TRAF3: variants seen among roughly 807,000 people sequenced by gnomAD.
TRAF3 encodes TNF receptor associated factor 3.
In TRAF3, 13 loss-of-function variants were observed where a neutral mutation model predicts 62.3. The ratio of observed to expected loss-of-function variants is 0.21; its 90% CI spans 0.14 to 0.33. The LOEUF (loss-of-function observed/expected upper bound fraction) is 0.33, where lower values mean the gene tolerates loss of function less well. TRAF3 is among the 10% of genes least tolerant of loss of function. TRAF3 has a pLI of 1.00. For synonymous variants in TRAF3, 269 were observed against 283.4 expected (o/e 0.95, Z 0.51); for missense variants, 440 against 741.8 (o/e 0.59, Z 4.73).
chr14:102,798,224 C>A (rs566648874), intron 1 of TRAF3, among the ~76,000 whole-genome samples: 1 of 151,890 alleles, frequency 6.6e-6, no homozygotes, highest in African/African-American at 2.4e-5. Flanking sequence ...GTTCAGAAAA[C>A]CCTTTTTTTT....
At chr14:102,806,659 T>C (rs75237410) in intron 1 of TRAF3, among the ~76,000 whole-genome samples, 4,206 of 152,104 alleles carry the variant, frequency 0.028, 96 homozygotes, top group Non-Finnish European at 0.037. Flanking sequence ...CTCCCTGTAG[T>C]CATGAGGCCT....
At chr14:102,876,041 T>TA in intron 5 of TRAF3, among the ~76,000 whole-genome samples, 1 of 152,366 alleles carries the variant, frequency 6.6e-6, no homozygotes, top group Non-Finnish European at 1.5e-5. Flanking sequence ...CATAACTTCT[T>TA]ATTTTTTTAG....
At chr14:102,816,739 G>A (rs992395319) in intron 1 of TRAF3, among the ~76,000 whole-genome samples, 1 of 152,118 alleles carries the variant, frequency 6.6e-6, no homozygotes, top group African/African-American at 2.4e-5. Context: ...GGACACTTAG[G>A]TTGTTTCCAG....
intron 1 of TRAF3, among the ~76,000 whole-genome samples, chr14:102,787,403 G>A (rs980106160): frequency 1.3e-5 from 2 of 151,882 alleles, no homozygotes; most frequent in Admixed American, 1.3e-4. Flanking sequence ...TGGGCTGGGC[G>A]TGGTGGCTCA....
intron 2 of TRAF3, among the ~76,000 whole-genome samples, chr14:102,869,276 C>T (rs147078001): frequency 6.6e-6 from 1 of 152,298 alleles, no homozygotes; most frequent in Admixed American, 6.5e-5. Context: ...TGTGGGCACA[C>T]TGTCACAGGG....
intron 1 of TRAF3, among the ~76,000 whole-genome samples, chr14:102,794,005 C>G (rs1243931379): frequency 6.6e-6 from 1 of 152,238 alleles, no homozygotes; most frequent in African/African-American, 2.4e-5. Flanking sequence ...TACACACATG[C>G]TTGGATGGTT....
intron 2 of TRAF3, among the ~76,000 whole-genome samples, chr14:102,840,709 C>CA (rs1886325990): frequency 6.6e-6 from 1 of 152,058 alleles, no homozygotes; most frequent in Non-Finnish European, 1.5e-5. Context: ...TTTTGACACT[C>CA]AATTAAGATT....
chr14:102,860,111 T>G (rs147300613), intron 2 of TRAF3, among the ~76,000 whole-genome samples: 1 of 152,306 alleles, frequency 6.6e-6, no homozygotes, highest in East Asian at 1.9e-4. Context: ...TGAGGACATC[T>G]CCATACCTTC....
intron 2 of TRAF3, among the ~76,000 whole-genome samples, chr14:102,863,048 T>A (rs561384863): frequency 6.6e-6 from 1 of 152,370 alleles, no homozygotes; most frequent in East Asian, 1.9e-4. Context: ...TTTCTTTAGT[T>A]CTTTGAACAT....
chr14:102,894,839 A>C (rs1181797329), intron 9 of TRAF3, among the ~76,000 whole-genome samples: 1 of 152,058 alleles, frequency 6.6e-6, no homozygotes, highest in Non-Finnish European at 1.5e-5. Context: ...CTGGGACTGT[A>C]GGCGTTTGCA....
intron 2 of TRAF3, among the ~76,000 whole-genome samples, chr14:102,843,713 AG>A (rs757360681): frequency 4.2e-4 from 64 of 152,060 alleles, no homozygotes; most frequent in Admixed American, 1.3e-3. Flanking sequence ...GCAGGAGGAG[AG>A]GGCAGATTGC....
chr14:102,841,055 A>T (rs1169418190), intron 2 of TRAF3, among the ~76,000 whole-genome samples: 1 of 152,186 alleles, frequency 6.6e-6, no homozygotes, highest in African/African-American at 2.4e-5. Flanking sequence ...ATGGACGTGG[A>T]CGCATTACAA....
intron 6 of TRAF3, among the ~76,000 whole-genome samples, chr14:102,877,958 A>G (rs996015250): frequency 6.6e-6 from 1 of 152,186 alleles, no homozygotes; most frequent in Non-Finnish European, 1.5e-5. Flanking sequence ...CTTAAAGACT[A>G]TTCTAATAGG....
At position 102,897,389 on chromosome 14, in the gene TRAF3, C is replaced by T. The variant is rs779082027; in HGVS notation, c.948C>T (p.Ile316=). Residue 316 remains isoleucine (I), a synonymous_variant, in exon 10 of 12, where the codon ATC becomes ATT. Transcript: ENST00000392745. ...KEMLRNNESK[I]LHLQRVIDSQ... ...TGCTTCGAAATAATGAATCCAAAAT[C>T]CTTCATTTACAGGTAAGAATCTTAG... is the stretch of plus-strand genomic sequence containing the variant. The T allele has an allele frequency of 6.2e-7, 1 of 1,613,766 alleles. No individual in the cohort carries two copies. The highest frequency in any genetic ancestry group is 8.5e-7 in the Non-Finnish European group (1 of 1,179,868).
At chr14:102,878,673 T>G (rs1595388456) in intron 6 of TRAF3, among the ~76,000 whole-genome samples, 1 of 151,664 alleles carries the variant, frequency 6.6e-6, no homozygotes, top group Non-Finnish European at 1.5e-5. Context: ...GGAAGAGAGG[T>G]GATCAGCACT....
intron 1 of TRAF3, among the ~76,000 whole-genome samples, chr14:102,800,099 A>G (rs1898303142): frequency 6.6e-6 from 1 of 152,244 alleles, no homozygotes; most frequent in Non-Finnish European, 1.5e-5. Context: ...TTAATGGGCT[A>G]TTAGAAATGA....
intron 1 of TRAF3, among the ~76,000 whole-genome samples, chr14:102,814,896 T>C (rs1282221371): frequency 6.6e-6 from 1 of 152,226 alleles, no homozygotes; most frequent in African/African-American, 2.4e-5. Flanking sequence ...GTTTATCTAC[T>C]TTTTCTTTGG....
chr14:102,894,549 T>C (rs1047404107), intron 9 of TRAF3, among the ~76,000 whole-genome samples: 5 of 152,108 alleles, frequency 3.3e-5, no homozygotes, highest in East Asian at 1.9e-4. Flanking sequence ...AGGTGGACTT[T>C]CCTGTGCCTA....
At chr14:102,852,895 TTTA>T (rs1887131365) in intron 2 of TRAF3, among the ~76,000 whole-genome samples, 1 of 151,386 alleles carries the variant, frequency 6.6e-6, no homozygotes, top group South Asian at 2.1e-4. Flanking sequence ...ATATTTTATT[TTTA>T]TTATTATTTT....
Sources: gnomAD v4.1 joint callset for allele counts (sites outside exome capture counted in the v4.1 genomes callset) on GRCh38, gnomAD v4.1.1 for gene constraint, MANE v1.5 for transcripts, NCBI Gene and HGNC (gene_info 2026-07-23, HGNC 2026-07-21) for gene names.